IPCEF1: variants seen among roughly 807,000 people sequenced by gnomAD.
The protein encoded by IPCEF1 is interactor protein for cytohesin exchange factors 1.
In IPCEF1, 31 loss-of-function variants were observed where a neutral mutation model predicts 50.9. That is an observed-to-expected ratio of 0.61 (90% CI 0.46 to 0.82). The LOEUF is 0.82. IPCEF1 is among the 40% of genes least tolerant of loss of function. The probability of loss-of-function intolerance (pLI) is 0.00; values close to 1 mark genes in which losing one functional copy is unlikely to be tolerated. For missense variants in IPCEF1, 458 were observed against 514.0 expected (o/e 0.89, Z 1.05); for synonymous variants, 181 against 192.0 (o/e 0.94, Z 0.47).
chr6:154,279,162 A>G (rs184931605), intron 2 of IPCEF1, among the ~76,000 whole-genome samples: 2 of 152,078 alleles, frequency 1.3e-5, no homozygotes, highest in East Asian at 3.9e-4. Flanking sequence ...GAAGGTTGCT[A>G]GCTACAAAGC....
chr6:154,219,372 G>A (rs1021208419), intron 7 of IPCEF1, among the ~76,000 whole-genome samples: 1 of 152,132 alleles, frequency 6.6e-6, no homozygotes, highest in Non-Finnish European at 1.5e-5. Context: ...TGGGAAGGAC[G>A]GGCCAAGGAT....
Position 154,267,156 on chromosome 6 carries a change from C to T in IPCEF1, c.-17-1192G>A, listed in dbSNP as rs537332172. On this transcript the variant is annotated intron_variant, in intron 2 of 11. Transcript: ENST00000367220. ...TTATTTCTTAAAAAAAAATTAAAACCTAAATTTAAAAAATCAAGTCTCAAG... is the reference window on the plus strand; with the variant it reads ...TTATTTCTTAAAAAAAAATTAAAACTTAAATTTAAAAAATCAAGTCTCAAG... 6.4e-3 allele frequency among the ~76,000 whole-genome samples: 971 copies of T among 151,274 alleles called. 6 individuals are homozygous for T. Among genetic ancestry groups the T allele is most frequent in the African/African-American group, 0.023 (932 of 41,256 alleles).
chr6:154,213,000 C>T (rs1778091825), intron 8 of IPCEF1, 145 bp from the exon 9 acceptor site: 3 of 646,908 alleles, frequency 4.6e-6, no homozygotes, highest in Non-Finnish European at 5.5e-6. Flanking sequence ...TGGTAACTAC[C>T]TGGTGCAAAG....
intron 8 of IPCEF1, among the ~76,000 whole-genome samples, chr6:154,213,526 C>T (rs886218138): frequency 2.3e-4 from 35 of 152,136 alleles, no homozygotes; most frequent in African/African-American, 8.0e-4. Flanking sequence ...ATCAAGTTGC[C>T]ACTTTTCCAT....
At chr6:154,160,165 A>G (rs1000971789) in intron 11 of IPCEF1, 125 bp from the exon 12 acceptor site, 4 of 725,180 alleles carry the variant, frequency 5.5e-6, no homozygotes, top group Non-Finnish European at 9.1e-6. Context: ...TTTGCACGTT[A>G]ATGTTCTAAT....
intron 3 of IPCEF1, among the ~76,000 whole-genome samples, chr6:154,265,436 A>G (rs1781731767): frequency 6.6e-6 from 1 of 151,854 alleles, no homozygotes; most frequent in Non-Finnish European, 1.5e-5. Flanking sequence ...GCACACCACC[A>G]TATCCAGCTA....
chr6:154,296,386 C>G (rs1782657358), intron 1 of IPCEF1, among the ~76,000 whole-genome samples: 1 of 152,212 alleles, frequency 6.6e-6, no homozygotes, highest in East Asian at 1.9e-4. Context: ...AGCGCCACAT[C>G]TTTTCACCTG....
At position 154,294,904 on chromosome 6, in the gene IPCEF1, A is replaced by T. The variant is rs537226476; in HGVS notation, c.-61-5148T>A. 4.6e-5 allele frequency among the ~76,000 whole-genome samples: 7 copies of T among 152,206 alleles called. 1 individual carries two copies. In the South Asian group the frequency reaches 8.3e-4, roughly 18 times the overall value. On this transcript the variant is annotated intron_variant, in intron 1 of 11. Coordinates refer to ENST00000367220, the MANE Select transcript of IPCEF1 (RefSeq NM_001130700.2). ...AAATAAAATATAAAAATTATTTTTTAAAAAAAGTACTTGGCCGGGCGTGGT... is the reference window on the plus strand; with the variant it reads ...AAATAAAATATAAAAATTATTTTTTTAAAAAAGTACTTGGCCGGGCGTGGT...
intron 1 of IPCEF1, among the ~76,000 whole-genome samples, chr6:154,302,598 C>G (rs1276263334): frequency 6.6e-6 from 1 of 152,132 alleles, no homozygotes; most frequent in Non-Finnish European, 1.5e-5. Context: ...CCTCAGCCCC[C>G]CGAGTAGCTG....
chr6:154,245,918 G>C (rs1482236810), intron 5 of IPCEF1, among the ~76,000 whole-genome samples: 1 of 152,172 alleles, frequency 6.6e-6, no homozygotes, highest in African/African-American at 2.4e-5. Flanking sequence ...AAGAAAACTA[G>C]CCTGGGATGC....
At chr6:154,164,918 G>C (rs958971854) in intron 11 of IPCEF1, among the ~76,000 whole-genome samples, 29 of 152,294 alleles carry the variant, frequency 1.9e-4, no homozygotes, top group African/African-American at 7.0e-4. Context: ...CAACTTGGAA[G>C]TTTGCTCAAC....
At chr6:154,305,540 T>A (rs770720975) in intron 1 of IPCEF1, among the ~76,000 whole-genome samples, 3 of 152,218 alleles carry the variant, frequency 2.0e-5, no homozygotes, top group African/African-American at 4.8e-5. Context: ...TAGTTCTCCA[T>A]CCTGGGCTTT....
At chr6:154,316,647 A>G (rs1783227006) in intron 1 of IPCEF1, among the ~76,000 whole-genome samples, 1 of 152,192 alleles carries the variant, frequency 6.6e-6, no homozygotes, top group Non-Finnish European at 1.5e-5. Flanking sequence ...GTCAAACTAT[A>G]TAAAAGTTCA....
chr6:154,354,996 TCACACACACACACACACACACACACA>T (rs56281024), intron 1 of IPCEF1, among the ~76,000 whole-genome samples: 6 of 147,496 alleles, frequency 4.1e-5, no homozygotes, highest in South Asian at 4.4e-4. Context: ...GGATTTTTCT[TCACACACACACACACACACACACACA>T]CACACACACA....
chr6:154,355,857 C>A (rs1584020117), intron 1 of IPCEF1, among the ~76,000 whole-genome samples: 1 of 150,936 alleles, frequency 6.6e-6, no homozygotes. Flanking sequence ...CATTATTTTG[C>A]CCCCAGGCTG....
rs553190048 is a variant in IPCEF1 at position 154,225,723 on chromosome 6, T to G, written c.247-2480A>C. Among the ~76,000 whole-genome samples the G allele has an allele frequency of 2.6e-5, 4 of 152,360 alleles. No homozygotes were observed. In the South Asian group the frequency reaches 8.3e-4, roughly 32 times the overall value. On this transcript the variant is annotated intron_variant, in intron 5 of 11. Transcript: ENST00000367220. ...ATTAAATGCCACTGAACTGCTCACT[T>G]TAAAGTAATTAATGTTAGGTTGTAT...
At chr6:154,318,712 CA>C (rs57436031) in intron 1 of IPCEF1, among the ~76,000 whole-genome samples, 58,725 of 98,896 alleles carry the variant, frequency 0.59, 14,279 homozygotes, top group East Asian at 0.75. Context: ...GACCCTGTCT[CA>C]AAAAAAAAAA....
intron 1 of IPCEF1, among the ~76,000 whole-genome samples, chr6:154,340,981 T>C (rs1478977370): frequency 2.0e-5 from 3 of 151,816 alleles, no homozygotes; most frequent in Non-Finnish European, 2.9e-5. Flanking sequence ...ACAAAGTGTA[T>C]ATATATGTAA....
intron 3 of IPCEF1, among the ~76,000 whole-genome samples, chr6:154,248,337 G>A (rs28722097): frequency 1.5e-4 from 23 of 150,544 alleles, no homozygotes; most frequent in East Asian, 5.8e-4. Context: ...GTGTGTGTGT[G>A]TAGAGAGAGA....
Sources: gnomAD v4.1 joint callset for allele counts (sites outside exome capture counted in the v4.1 genomes callset) on GRCh38, gnomAD v4.1.1 for gene constraint, MANE v1.5 for transcripts, NCBI Gene and HGNC (gene_info 2026-07-23, HGNC 2026-07-21) for gene names.